SAMD5: variants seen among roughly 807,000 people sequenced by gnomAD.
SAMD5 encodes sterile alpha motif domain-containing protein 5.
A neutral mutation model predicts 11.3 loss-of-function variants in SAMD5; 13 were observed. The observed-to-expected ratio is 1.15, with a 90% CI of 0.75 to 1.83. SAMD5 has a LOEUF of 1.83. Among genes scored for constraint, SAMD5 ranks in the 40% most tolerant of loss-of-function variants. The pLI is 0.00. For missense variants in SAMD5, 255 were observed against 239.1 expected (o/e 1.07, Z -0.44); for synonymous variants, 129 against 111.3 (o/e 1.16, Z -1.00).
At chr6:147,517,873 G>GTT (rs564247973) in intron 1 of SAMD5, among the ~76,000 whole-genome samples, 2 of 134,694 alleles carry the variant, frequency 1.5e-5, no homozygotes. Context: ...ATAATGAGGT[G>GTT]TTTTTTTTTT....
chr6:147,586,568 C>T (rs1292511378), intron 1 of SAMD5, among the ~76,000 whole-genome samples: 6 of 152,016 alleles, frequency 3.9e-5, no homozygotes, highest in East Asian at 1.9e-4. Flanking sequence ...AACGTTACCA[C>T]GGTTTTTCTT....
chr6:147,827,115 T>TAAAAAAAAAAAAAAAA, the SAMD5 span, among the ~76,000 whole-genome samples: 1 of 152,174 alleles, frequency 6.6e-6, no homozygotes, highest in Non-Finnish European at 1.5e-5. Context: ...TTAGAACAAG[T>TAAAAAAAAAAAAAAAA]AAATGCTTTC....
At chr6:147,600,909 G>A (rs777670352) in intron 1 of SAMD5, among the ~76,000 whole-genome samples, 4 of 152,230 alleles carry the variant, frequency 2.6e-5, no homozygotes, top group Non-Finnish European at 5.9e-5. Context: ...TTGACTGTGT[G>A]TGAACAGTGC....
the SAMD5 span, among the ~76,000 whole-genome samples, chr6:147,846,200 A>G: frequency 4.6e-3 from 703 of 152,314 alleles, 4 homozygotes; most frequent in Non-Finnish European, 7.8e-3. Flanking sequence ...TGAAAAATAG[A>G]TTCATGGTTT....
the SAMD5 span, among the ~76,000 whole-genome samples, chr6:147,874,583 T>A: frequency 6.6e-6 from 1 of 150,986 alleles, no homozygotes; most frequent in Non-Finnish European, 1.5e-5. Flanking sequence ...CTGCTTTTTT[T>A]AAGTCCACAG....
chr6:147,519,425 T>TA (rs1788219092), intron 1 of SAMD5, among the ~76,000 whole-genome samples: 1 of 152,206 alleles, frequency 6.6e-6, no homozygotes, highest in Non-Finnish European at 1.5e-5. Flanking sequence ...TAAAATTTAG[T>TA]AAAAATATTT....
At chr6:147,637,066 G>A (rs897861985) in intron 1 of SAMD5, among the ~76,000 whole-genome samples, 1 of 152,160 alleles carries the variant, frequency 6.6e-6, no homozygotes, top group Non-Finnish European at 1.5e-5. Flanking sequence ...GCTGAGGTCT[G>A]GGTGCTGGAA....
At chr6:147,634,104 T>A (rs1162358165) in intron 1 of SAMD5, among the ~76,000 whole-genome samples, 1 of 152,212 alleles carries the variant, frequency 6.6e-6, no homozygotes, top group Non-Finnish European at 1.5e-5. Flanking sequence ...GTGTCTGCTT[T>A]ATTTCACTTA....
the SAMD5 span, among the ~76,000 whole-genome samples, chr6:147,749,435 T>C: frequency 1.3e-5 from 2 of 152,198 alleles, no homozygotes; most frequent in African/African-American, 4.8e-5. Context: ...CCCAGAGTGC[T>C]GGGATTACAG....
chr6:147,884,022 C>A, the SAMD5 span, among the ~76,000 whole-genome samples: 6 of 152,162 alleles, frequency 3.9e-5, no homozygotes, highest in Non-Finnish European at 5.9e-5. Flanking sequence ...CTTTGTTAGG[C>A]ACAACTACAT....
At chr6:147,909,634 C>CT in the SAMD5 span, among the ~76,000 whole-genome samples, 2,237 of 66,548 alleles carry the variant, frequency 0.034, 199 homozygotes, top group East Asian at 0.061. Flanking sequence ...CTTTCTTTCT[C>CT]TTTCTTGTCT....
chr6:147,890,753 GT>G, the SAMD5 span, among the ~76,000 whole-genome samples: 25,538 of 146,140 alleles, frequency 0.17, 2,518 homozygotes, highest in Non-Finnish European at 0.23. Flanking sequence ...TATTTGGATA[GT>G]TTTTTTTTTT....
At chr6:147,659,007 T>C (rs1790609604) in intron 1 of SAMD5, among the ~76,000 whole-genome samples, 1 of 152,212 alleles carries the variant, frequency 6.6e-6, no homozygotes, top group African/African-American at 2.4e-5. Flanking sequence ...ATTAAGGGAA[T>C]TTAATACAGA....
the SAMD5 span, among the ~76,000 whole-genome samples, chr6:147,787,944 G>A: frequency 2.0e-5 from 3 of 152,186 alleles, no homozygotes; most frequent in East Asian, 5.8e-4. Flanking sequence ...AGCTGTCAAA[G>A]GAGAACATAT....
the SAMD5 span, among the ~76,000 whole-genome samples, chr6:147,893,071 G>A: frequency 6.6e-6 from 1 of 151,926 alleles, no homozygotes; most frequent in Non-Finnish European, 1.5e-5. Flanking sequence ...AAACTTAGGC[G>A]GGCATGGTAA....
chr6:147,652,971 G>A (rs527248328), intron 1 of SAMD5, among the ~76,000 whole-genome samples: 51 of 152,092 alleles, frequency 3.4e-4, no homozygotes, highest in Non-Finnish European at 6.3e-4. Context: ...TTGCCTCCCA[G>A]AGACTAAGCC....
chr6:147,562,878 A>G lies in SAMD5; in HGVS notation c.460-1516A>G, dbSNP rs527849080. On this transcript the variant is annotated intron_variant, in intron 1 of 1. Coordinates refer to ENST00000367474, the MANE Select transcript of SAMD5 (RefSeq NM_001030060.3). ...AGTGTTACCTTGTTTATATTCAGGT[A>G]ACTTCCCTTCTCTATGGAATTTTCC... 1.5e-3 allele frequency among the ~76,000 whole-genome samples: 228 copies of G among 152,276 alleles called. 3 individuals carry two copies. The highest frequency in any genetic ancestry group is 5.2e-3 in the African/African-American group (215 of 41,554).
At chr6:147,888,239 T>C in the SAMD5 span, among the ~76,000 whole-genome samples, 113 of 152,284 alleles carry the variant, frequency 7.4e-4, no homozygotes, top group African/African-American at 2.5e-3. Context: ...AGGTCACAAA[T>C]ATTTTCTCCA....
chr6:147,936,563 G>A, the SAMD5 span, among the ~76,000 whole-genome samples: 2 of 152,042 alleles, frequency 1.3e-5, no homozygotes, highest in Non-Finnish European at 2.9e-5. Context: ...ATTCACCCCC[G>A]TGATCCAATC....
Sources: gnomAD v4.1 joint callset for allele counts (sites outside exome capture counted in the v4.1 genomes callset) on GRCh38, gnomAD v4.1.1 for gene constraint, MANE v1.5 for transcripts, NCBI Gene and HGNC (gene_info 2026-07-23, HGNC 2026-07-21) for gene names.